KIRREL3: variants seen among roughly 807,000 people sequenced by gnomAD.
The protein encoded by KIRREL3 is kirre like nephrin family adhesion molecule 3, also known as kin of IRRE-like protein 3.
In KIRREL3, 36 loss-of-function variants were observed where a neutral mutation model predicts 89.7. The observed-to-expected ratio is 0.40, with a 90% CI of 0.31 to 0.53. KIRREL3 has a LOEUF of 0.53. KIRREL3 is among the 20% of genes least tolerant of loss of function. The pLI is 0.49. For missense variants in KIRREL3, 864 were observed against 1,056.6 expected, an observed-to-expected ratio of 0.82 and a Z score of 2.53; for synonymous variants, 445 against 441.4, an observed-to-expected ratio of 1.01 and a Z score of -0.10.
At chr11:126,554,282 A>G (rs971606060) in intron 2 of KIRREL3, among the ~76,000 whole-genome samples, 1 of 152,196 alleles carries the variant, frequency 6.6e-6, no homozygotes, top group African/African-American at 2.4e-5. Flanking sequence ...ATAGCAAGGC[A>G]GTAAATGCCC....
chr11:126,763,282 C>T lies in KIRREL3; in HGVS notation c.56-200370G>A, dbSNP rs1433374819. Among the ~76,000 whole-genome samples the T allele has an allele frequency of 6.6e-6, 1 of 152,212 alleles. No individual in the cohort carries two copies. The highest frequency in any genetic ancestry group is 1.5e-5 in the Non-Finnish European group (1 of 68,040). ...TCGGCGTTCTGTGATGTGACAATTCCATGACCAGCCTCATGGCTGAGGTGC... is the reference window on the plus strand; with the variant it reads ...TCGGCGTTCTGTGATGTGACAATTCTATGACCAGCCTCATGGCTGAGGTGC... On this transcript the variant is annotated intron_variant, in intron 1 of 16. Transcript: ENST00000525144. The surrounding 1 kb of genome is among the most constrained non-coding windows in gnomAD (Gnocchi z 4.7).
At chr11:126,925,314 G>A (rs928693735) in intron 1 of KIRREL3, among the ~76,000 whole-genome samples, 4 of 152,212 alleles carry the variant, frequency 2.6e-5, no homozygotes, top group Non-Finnish European at 4.4e-5. Flanking sequence ...GAGGCAGCCT[G>A]GTGGCAGAAG....
rs1942896664 is a variant in KIRREL3, at chr11:126,606,529, C to A, written c.56-43617G>T. 6.6e-6 allele frequency among the ~76,000 whole-genome samples: 1 copy of A among 152,186 alleles called. No individual in the cohort carries two copies. The highest frequency in any genetic ancestry group is 2.4e-5 in the African/African-American group (1 of 41,440). On this transcript the variant is annotated intron_variant, in intron 1 of 16. Coordinates refer to ENST00000525144, the MANE Select transcript of KIRREL3 (RefSeq NM_032531.4). This position sits in a 1 kb window ranked among gnomAD's most constrained non-coding sequence, Gnocchi z 4.6. ...GAGGGAAGTCCGGGCTCTCTGGGAA[C>A]TGCCTTCCACATTTCCCCACCTTAG...
rs901913874 is a variant in KIRREL3, at chr11:126,858,930, G to T, written c.55+141525C>A. Among the ~76,000 whole-genome samples the T allele has an allele frequency of 2.0e-5, 3 of 152,208 alleles. No individual in the cohort carries two copies. The East Asian group carries it at 5.8e-4, about 29-fold the overall frequency. ...CAGGAAAGAAGCATGGTTTAAACAA[G>T]GCTGAGGTTCTGCTCCTGGCTGTGG... On this transcript the variant is annotated intron_variant, in intron 1 of 16. Transcript: ENST00000525144.
Position 126,956,321 on chromosome 11 carries a change from T to A in KIRREL3, c.55+44134A>T, listed in dbSNP as rs116318251. ...TCTTACTCCTTCCCATGGAGGGATC[T>A]TTCTCCTTTGGTTAGCGAATCTGAT... On this transcript the variant is annotated intron_variant, in intron 1 of 16. Transcript: ENST00000525144. Among the ~76,000 whole-genome samples the A allele has an allele frequency of 6.5e-3, 984 of 152,302 alleles. 7 individuals carry two copies. Among genetic ancestry groups the A allele is most frequent in the African/African-American group, 0.022 (919 of 41,562 alleles).
At chr11:126,835,244 C>T (rs74729748) in intron 1 of KIRREL3, among the ~76,000 whole-genome samples, 1,957 of 152,274 alleles carry the variant, frequency 0.013, 24 homozygotes, top group African/African-American at 0.043. Context: ...CACTGACATG[C>T]CCAAGAAGGT....
chr11:126,872,676 C>A lies in KIRREL3; in HGVS notation c.55+127779G>T, dbSNP rs1470154301. 6.6e-6 allele frequency among the ~76,000 whole-genome samples: 1 copy of A among 152,218 alleles called. No individual in the cohort carries two copies. Among genetic ancestry groups the A allele is most frequent in the Non-Finnish European group, 1.5e-5 (1 of 68,046 alleles). On this transcript the variant is annotated intron_variant, in intron 1 of 16. Transcript: ENST00000525144. This position sits in a 1 kb window ranked among gnomAD's most constrained non-coding sequence, Gnocchi z 4.2. ...TTTCTTTCTCTGTCTCCCTCCTATC[C>A]CACCCCATCCTGGGCTTGTTTTCAT...
chr11:126,884,117 G>C (rs1481836518), intron 1 of KIRREL3, among the ~76,000 whole-genome samples: 1 of 152,192 alleles, frequency 6.6e-6, no homozygotes, highest in East Asian at 1.9e-4. Flanking sequence ...CTATTAATTA[G>C]AAAAAGTTCT....
rs181784431 is a variant in KIRREL3 at position 126,997,635 on chromosome 11, G to A, written c.55+2820C>T. Among the ~76,000 whole-genome samples, 1 of 152,062 alleles carries A rather than the reference G, an allele frequency of 6.6e-6. No homozygotes were observed. Among genetic ancestry groups the A allele is most frequent in the Non-Finnish European group, 1.5e-5 (1 of 68,000 alleles). ...TAAAAGGTTATAAGAAAAAGTAAAG[G>A]TAAACAAACATTTGACAAATTAGGA... On this transcript the variant is annotated intron_variant, in intron 1 of 16. Transcript: ENST00000525144. This position sits in a 1 kb window ranked among gnomAD's most constrained non-coding sequence, Gnocchi z 4.3.
At chr11:126,855,303 T>A (rs1038789737) in intron 1 of KIRREL3, among the ~76,000 whole-genome samples, 9 of 152,192 alleles carry the variant, frequency 5.9e-5, no homozygotes, top group African/African-American at 2.2e-4. Context: ...TCAGGAGATC[T>A]GGTTGTTTAA....
At chr11:126,630,031 G>A (rs1020691693) in intron 1 of KIRREL3, among the ~76,000 whole-genome samples, 22 of 152,146 alleles carry the variant, frequency 1.4e-4, no homozygotes, top group Admixed American at 6.5e-4. Context: ...TGGTTCCTTC[G>A]CACCAGACAC....
intron 7 of KIRREL3, among the ~76,000 whole-genome samples, chr11:126,449,520 G>C (rs898722966): frequency 3.9e-5 from 6 of 152,194 alleles, no homozygotes; most frequent in African/African-American, 1.4e-4. Context: ...TCGCTGTCCT[G>C]CTCTGAGCTG....
chr11:126,537,860 T>C lies in KIRREL3; in HGVS notation c.134-11173A>G, dbSNP rs897779642. ...CAAGTCTTTCCTGAGCTTGGGACTGTTAAAACAGGAGCCAGAGGAGCACCT... is the reference window on the plus strand; with the variant it reads ...CAAGTCTTTCCTGAGCTTGGGACTGCTAAAACAGGAGCCAGAGGAGCACCT... On this transcript the variant is annotated intron_variant, in intron 2 of 16. Transcript: ENST00000525144. The surrounding 1 kb of genome is among the most constrained non-coding windows in gnomAD (Gnocchi z 4.3). 3.3e-5 allele frequency among the ~76,000 whole-genome samples: 5 copies of C among 152,270 alleles called. No individual in the cohort carries two copies. The highest frequency in any genetic ancestry group is 2.1e-4 in the South Asian group (1 of 4,834).
chr11:126,550,236 G>A lies in KIRREL3; in HGVS notation c.133+12599C>T, dbSNP rs2134529412. On this transcript the variant is annotated intron_variant, in intron 2 of 16. Transcript: ENST00000525144. This position sits in a 1 kb window ranked among gnomAD's most constrained non-coding sequence, Gnocchi z 4.9. The stretch of plus-strand genomic sequence containing the variant: ...CTTTACACACACTGGTACTTGGCAG[G>A]GATATGGAACCAGATGACCTTTGGT... 1 of 152,320 alleles carries A rather than the reference G, an allele frequency of 6.6e-6. No homozygotes were observed. Among genetic ancestry groups the A allele is most frequent in the South Asian group, 2.1e-4 (1 of 4,822 alleles). 9.4% of individuals were successfully genotyped at this position (152,320 alleles called of 1,614,324 possible).
Position 126,611,623 on chromosome 11 carries a change from T to C in KIRREL3, c.56-48711A>G, listed in dbSNP as rs1420596656. ...GAGTCCAAAGGTGGCTGTCATGTCA[T>C]TTGTCCACGTTTGCATTCCCGTGCC... is the stretch of plus-strand genomic sequence containing the variant. On this transcript the variant is annotated intron_variant, in intron 1 of 16. Coordinates refer to ENST00000525144, the MANE Select transcript of KIRREL3 (RefSeq NM_032531.4). The surrounding 1 kb of genome is among the most constrained non-coding windows in gnomAD (Gnocchi z 4.7). Among the ~76,000 whole-genome samples, 2 of 152,174 alleles carry C rather than the reference T, an allele frequency of 1.3e-5. No homozygotes were observed. Among genetic ancestry groups the C allele is most frequent in the Non-Finnish European group, 2.9e-5 (2 of 68,030 alleles).
At chr11:126,646,811 T>C (rs1944708271) in intron 1 of KIRREL3, among the ~76,000 whole-genome samples, 1 of 152,164 alleles carries the variant, frequency 6.6e-6, no homozygotes. Context: ...ATGCTGTCAA[T>C]TGTAATTGCA....
intron 2 of KIRREL3, among the ~76,000 whole-genome samples, chr11:126,534,800 G>C (rs974194958): frequency 6.6e-6 from 1 of 152,252 alleles, no homozygotes. Context: ...TCAGGAGTGG[G>C]AGCAGGAGGT....
At position 126,424,715 on chromosome 11, in the gene KIRREL3, G is replaced by A. The variant is rs573865126; in HGVS notation, c.2202C>T (p.Ser734=). The change falls in exon 17 of 17, where the codon AGC becomes AGT. Residue 734 remains serine, a synonymous_variant. Transcript: ENST00000525144. The part of the protein sequence containing the change: ...DTQCDSSVSS[S]GKQDGYVQFD... The stretch of plus-strand genomic sequence containing the variant: ...ACTGCACATAGCCATCCTGCTTGCC[G>A]CTGCTGCTGACGCTGCTGTCACACT... 5.9e-5 allele frequency: 95 copies of A among 1,613,974 alleles called. No individual in the cohort carries two copies. In the East Asian group the frequency reaches 6.7e-4, roughly 11 times the overall value.
chr11:126,876,704 A>T lies in KIRREL3; in HGVS notation c.55+123751T>A, dbSNP rs749982581. On this transcript the variant is annotated intron_variant, in intron 1 of 16. Coordinates refer to ENST00000525144, the MANE Select transcript of KIRREL3 (RefSeq NM_032531.4). This position sits in a 1 kb window ranked among gnomAD's most constrained non-coding sequence, Gnocchi z 4.1. ...AGGCACCTGCCACCATGCCCAGCTA[A>T]TTTTTTTGTATTTTTAGTAGAGATG... Among the ~76,000 whole-genome samples the T allele has an allele frequency of 3.3e-5, 5 of 151,626 alleles. No homozygotes were observed. Among genetic ancestry groups the T allele is most frequent in the Non-Finnish European group, 5.9e-5 (4 of 67,908 alleles).
Sources: gnomAD v4.1 joint callset for allele counts (sites outside exome capture counted in the v4.1 genomes callset) on GRCh38, gnomAD v4.1.1 for gene constraint, Gnocchi (gnomAD v3.1) non-coding constraint, MANE v1.5 for transcripts, NCBI Gene and HGNC (gene_info 2026-07-23, HGNC 2026-07-21) for gene names.